The following TMTC2 variants were observed in gnomAD, a reference collection of about 807,000 sequenced individuals.
The protein encoded by TMTC2 is transmembrane O-mannosyltransferase targeting cadherins 2, also known as protein O-mannosyl-transferase TMTC2.
Under a neutral mutation model 82.4 loss-of-function variants are expected in TMTC2, and 43 were observed. That is an observed-to-expected ratio of 0.52 (90% CI 0.41 to 0.67). The LOEUF is 0.67. TMTC2 is among the 30% of genes least tolerant of loss of function. TMTC2 has a pLI of 0.00. For synonymous variants in TMTC2, 408 were observed against 381.9 expected (o/e 1.07, Z -0.80); for missense variants, 919 against 1,012.4 (o/e 0.91, Z 1.25).
intron 1 of TMTC2, among the ~76,000 whole-genome samples, chr12:82,726,169 G>A (rs948189696): frequency 3.3e-5 from 5 of 152,116 alleles, no homozygotes; most frequent in African/African-American, 7.2e-5. Context: ...AAAGTAAGCC[G>A]TGATATATAG....
intron 11 of TMTC2, among the ~76,000 whole-genome samples, chr12:83,123,519 T>C (rs746845586): frequency 1.3e-5 from 2 of 152,222 alleles, no homozygotes; most frequent in Non-Finnish European, 2.9e-5. Context: ...GAGTGTTGCA[T>C]TGCTTATGGG....
chr12:83,068,401 A>G (rs1009227532), intron 11 of TMTC2, among the ~76,000 whole-genome samples: 4 of 152,164 alleles, frequency 2.6e-5, no homozygotes, highest in Non-Finnish European at 5.9e-5. Flanking sequence ...TTTAACATAT[A>G]AAGGATTATT....
At chr12:83,004,153 G>A (rs547880744) in intron 8 of TMTC2, among the ~76,000 whole-genome samples, 3 of 152,208 alleles carry the variant, frequency 2.0e-5, no homozygotes, top group Non-Finnish European at 4.4e-5. Flanking sequence ...AGCTTGCCCT[G>A]TTGTGTTGTT....
At chr12:82,893,234 G>T (rs555894203) in intron 2 of TMTC2, among the ~76,000 whole-genome samples, 2 of 152,058 alleles carry the variant, frequency 1.3e-5, no homozygotes, top group East Asian at 3.9e-4. Flanking sequence ...AGCTGGGCAT[G>T]GTGGCACGTG....
chr12:83,091,674 T>G (rs1883853394), intron 11 of TMTC2, among the ~76,000 whole-genome samples: 1 of 152,214 alleles, frequency 6.6e-6, no homozygotes, highest in African/African-American at 2.4e-5. Flanking sequence ...CATTTGTCAT[T>G]TTCTGTGAGA....
chr12:82,940,703 C>G (rs1876670047), intron 4 of TMTC2, among the ~76,000 whole-genome samples: 1 of 151,844 alleles, frequency 6.6e-6, no homozygotes. Context: ...TCTTTCCACC[C>G]CTTATGACAT....
chr12:83,122,769 A>G (rs1884994431), intron 11 of TMTC2, among the ~76,000 whole-genome samples: 1 of 152,104 alleles, frequency 6.6e-6, no homozygotes, highest in East Asian at 1.9e-4. Context: ...TTCTGGAGCA[A>G]AAATTCAGCA....
chr12:82,919,006 T>C (rs1358051749), intron 3 of TMTC2, among the ~76,000 whole-genome samples: 2 of 152,230 alleles, frequency 1.3e-5, no homozygotes, highest in Non-Finnish European at 2.9e-5. Flanking sequence ...TCCGACAGCC[T>C]TGGCTTCCCA....
At chr12:82,733,289 ACTG>A (rs1363568301) in intron 1 of TMTC2, among the ~76,000 whole-genome samples, 4 of 152,252 alleles carry the variant, frequency 2.6e-5, no homozygotes, top group African/African-American at 7.2e-5. Context: ...TACAGATTTT[ACTG>A]CTATTTCAGT....
At chr12:83,073,944 G>A (rs1883198699) in intron 11 of TMTC2, among the ~76,000 whole-genome samples, 1 of 151,970 alleles carries the variant, frequency 6.6e-6, no homozygotes, top group Admixed American at 6.6e-5. Flanking sequence ...TCCCTGATTG[G>A]CTTAATAACT....
chr12:82,870,684 GAGTCTTAA>G (rs1451426429), intron 2 of TMTC2, among the ~76,000 whole-genome samples: 1 of 152,188 alleles, frequency 6.6e-6, no homozygotes, highest in African/African-American at 2.4e-5. Context: ...GCCACCGCTA[GAGTCTTAA>G]AGTTTCTTTG....
At chr12:82,755,019 T>C (rs1162340950) in intron 1 of TMTC2, among the ~76,000 whole-genome samples, 1 of 152,238 alleles carries the variant, frequency 6.6e-6, no homozygotes, top group African/African-American at 2.4e-5. Context: ...CAAAGCTTCC[T>C]TGAAATAGAG....
At chr12:83,023,859 T>C (rs1039984389) in intron 8 of TMTC2, among the ~76,000 whole-genome samples, 1 of 152,208 alleles carries the variant, frequency 6.6e-6, no homozygotes, top group Non-Finnish European at 1.5e-5. Flanking sequence ...GCCTCTGCTT[T>C]AGGATGTTTA....
At chr12:82,814,086 G>A (rs1327057182) in intron 1 of TMTC2, among the ~76,000 whole-genome samples, 1 of 152,048 alleles carries the variant, frequency 6.6e-6, no homozygotes. Context: ...AAGAAACCAC[G>A]GCTTATTGAG....
At chr12:82,968,183 A>C (rs1472799377) in intron 7 of TMTC2, among the ~76,000 whole-genome samples, 2 of 152,154 alleles carry the variant, frequency 1.3e-5, no homozygotes, top group African/African-American at 2.4e-5. Flanking sequence ...GAGTGATTGA[A>C]TATCATATTA....
chr12:82,959,087 A>T (rs1026720859), intron 4 of TMTC2, among the ~76,000 whole-genome samples: 1 of 152,164 alleles, frequency 6.6e-6, no homozygotes, highest in Admixed American at 6.6e-5. Flanking sequence ...ATAGCCATAT[A>T]CACACACAAA....
In TMTC2 at chr12:83,002,853, T is replaced by C. The variant is rs371902122; in HGVS notation, c.2070+16807T>C. Among the ~76,000 whole-genome samples the C allele has an allele frequency of 9.9e-5, 15 of 152,236 alleles. No individual in the cohort carries two copies. In the East Asian group the frequency reaches 2.5e-3, roughly 25 times the overall value. Reference sequence around the variant, plus strand: ...GGTCGCTCTTAGAGTATGTTCTATGTGCAGATGAGAAGATTATATATTCTG... The same window carrying C: ...GGTCGCTCTTAGAGTATGTTCTATGCGCAGATGAGAAGATTATATATTCTG... On this transcript the variant is annotated intron_variant, in intron 8 of 11. Transcript: ENST00000321196.
At chr12:82,970,395 A>G (rs1189893044) in intron 7 of TMTC2, among the ~76,000 whole-genome samples, 1 of 152,156 alleles carries the variant, frequency 6.6e-6, no homozygotes, top group Admixed American at 6.5e-5. Context: ...GCAGTGGCGC[A>G]ATCTCGCCTC....
chr12:83,083,004 G>C (rs771815165), intron 11 of TMTC2, among the ~76,000 whole-genome samples: 2 of 152,154 alleles, frequency 1.3e-5, no homozygotes, highest in Non-Finnish European at 2.9e-5. Context: ...CTGGGTCTGG[G>C]ATCTTCTGCC....
Sources: gnomAD v4.1 joint callset for allele counts (sites outside exome capture counted in the v4.1 genomes callset) on GRCh38, gnomAD v4.1.1 for gene constraint, MANE v1.5 for transcripts, NCBI Gene and HGNC (gene_info 2026-07-23, HGNC 2026-07-21) for gene names.